CSMD3: variants seen among roughly 807,000 people sequenced by gnomAD.
The protein encoded by CSMD3 is CUB and Sushi multiple domains 3, also known as CUB and sushi domain-containing protein 3.
CSMD3 carries 177 observed loss-of-function variants against 435.2 expected under a neutral mutation model. The ratio of observed to expected loss-of-function variants is 0.41; its 90% CI spans 0.36 to 0.46. CSMD3 has a LOEUF of 0.46. Ranked by LOEUF, CSMD3 falls within the 20% of genes least tolerant of loss-of-function variation. CSMD3 has a pLI of 0.34. For missense variants in CSMD3, 4,265 were observed against 4,504.6 expected (o/e 0.95, Z 1.52); for synonymous variants, 1,656 against 1,520.5 (o/e 1.09, Z -2.07).
intron 17 of CSMD3, among the ~76,000 whole-genome samples, chr8:112,665,255 C>T (rs1271045105): frequency 1.3e-5 from 2 of 152,148 alleles, no homozygotes; most frequent in African/African-American, 4.8e-5. Flanking sequence ...CGAAGCTCTT[C>T]ATATTTACTG....
At chr8:112,537,697 A>C (rs1388801978) in intron 27 of CSMD3, among the ~76,000 whole-genome samples, 2 of 151,894 alleles carry the variant, frequency 1.3e-5, no homozygotes, top group Admixed American at 1.3e-4. Context: ...AAACTTGAGC[A>C]GACCAATAAC....
intron 22 of CSMD3, among the ~76,000 whole-genome samples, chr8:112,590,749 G>A (rs1831117768): frequency 6.6e-6 from 1 of 151,954 alleles, no homozygotes; most frequent in South Asian, 2.1e-4. Context: ...TTTTGGGTCA[G>A]AAAACCACTG....
At chr8:112,278,532 T>C (rs947616535) in intron 59 of CSMD3, among the ~76,000 whole-genome samples, 4 of 152,156 alleles carry the variant, frequency 2.6e-5, no homozygotes, top group Non-Finnish European at 4.4e-5. Flanking sequence ...GATGCTAGGC[T>C]CAGATGAATG....
chr8:113,250,577 G>T (rs2093325760), intron 3 of CSMD3, among the ~76,000 whole-genome samples: 2 of 152,048 alleles, frequency 1.3e-5, no homozygotes, highest in South Asian at 4.1e-4. Context: ...GCGGAGTTTG[G>T]ATTTAAAAGA....
chr8:112,260,905 T>C lies in CSMD3; in HGVS notation c.9862+2734A>G, dbSNP rs369350641. On this transcript the variant is annotated intron_variant, in intron 61 of 70. Transcript: ENST00000297405. Reference sequence around the variant, plus strand: ...ACACTAAAAGCCTGGACTTCTCCACTACTCAATATATCTATGGAATAAAAC... The same window carrying C: ...ACACTAAAAGCCTGGACTTCTCCACCACTCAATATATCTATGGAATAAAAC... Among the ~76,000 whole-genome samples, 4 of 152,298 alleles carry C rather than the reference T, an allele frequency of 2.6e-5. No individual in the cohort carries two copies. In the East Asian group the frequency reaches 5.8e-4, roughly 22 times the overall value.
chr8:112,671,357 C>A (rs1200432435), intron 16 of CSMD3, among the ~76,000 whole-genome samples: 1 of 151,988 alleles, frequency 6.6e-6, no homozygotes, highest in Non-Finnish European at 1.5e-5. Context: ...CTTTGAAGCA[C>A]CCTTATTTTC....
intron 6 of CSMD3, among the ~76,000 whole-genome samples, chr8:112,985,364 G>A (rs927884049): frequency 2.0e-5 from 3 of 151,940 alleles, no homozygotes; most frequent in African/African-American, 2.4e-5. Flanking sequence ...ATGAAAAAAC[G>A]AAATAGTAGG....
chr8:113,232,017 T>C (rs542308223), intron 3 of CSMD3, among the ~76,000 whole-genome samples: 7 of 151,696 alleles, frequency 4.6e-5, no homozygotes, highest in Admixed American at 3.3e-4. Context: ...ATAAATTATA[T>C]ACAATGCAAT....
chr8:112,377,374 A>G (rs942517386), intron 38 of CSMD3, among the ~76,000 whole-genome samples: 6 of 152,130 alleles, frequency 3.9e-5, no homozygotes, highest in Non-Finnish European at 1.5e-5. Context: ...CTCCCAACAA[A>G]GAAAGGCACA....
Position 112,638,740 on chromosome 8 carries a change from G to C in CSMD3, c.3482C>G (p.Ser1161Ter), listed in dbSNP as rs748730248. The C allele has an allele frequency of 6.2e-7, 1 of 1,609,044 alleles. No homozygotes were observed. The highest frequency in any genetic ancestry group is 1.7e-5 in the Admixed American group (1 of 59,836). Reference sequence around the variant, plus strand: ...TCCTTCATATGATATTGAAAAATCTGAAATGAAACGCAATTGAGCCCTGAA... The same window carrying C: ...TCCTTCATATGATATTGAAAAATCTCAAATGAAACGCAATTGAGCCCTGAA... ...GNFRAQLRFI[S>*]DFSISYEGFN... Residue 1161 changes from serine (S) to a stop codon, truncating the protein, a stop_gained, in exon 21 of 71, where the codon TCA becomes TGA. Coordinates refer to ENST00000297405, the MANE Select transcript of CSMD3 (RefSeq NM_198123.2). LOFTEE classifies it high-confidence loss of function.
chr8:112,609,460 T>G (rs1438827007), intron 22 of CSMD3, among the ~76,000 whole-genome samples: 1 of 151,812 alleles, frequency 6.6e-6, no homozygotes, highest in Non-Finnish European at 1.5e-5. Context: ...AAAACCACAG[T>G]GAGATACCAC....
chr8:113,220,833 GGAT>G (rs1203258366), intron 3 of CSMD3, among the ~76,000 whole-genome samples: 1 of 151,250 alleles, frequency 6.6e-6, no homozygotes, highest in Non-Finnish European at 1.5e-5. Flanking sequence ...TGCCACTAAG[GGAT>G]CTATGTACAC....
At chr8:113,166,680 A>G (rs1238155193) in intron 4 of CSMD3, among the ~76,000 whole-genome samples, 1 of 152,154 alleles carries the variant, frequency 6.6e-6, no homozygotes, top group African/African-American at 2.4e-5. Context: ...CCTAATTTTT[A>G]GGGTAATGTG....
At chr8:112,861,050 G>T (rs2080813527) in intron 10 of CSMD3, among the ~76,000 whole-genome samples, 1 of 151,750 alleles carries the variant, frequency 6.6e-6, no homozygotes, top group Non-Finnish European at 1.5e-5. Flanking sequence ...AATATTTCTT[G>T]AATAGACTAT....
At chr8:112,380,022 T>C (rs1829325388) in intron 38 of CSMD3, among the ~76,000 whole-genome samples, 1 of 152,176 alleles carries the variant, frequency 6.6e-6, no homozygotes, top group East Asian at 1.9e-4. Context: ...GTTTCAGTCA[T>C]GCAAAATGAG....
intron 6 of CSMD3, among the ~76,000 whole-genome samples, chr8:112,980,625 T>C (rs1037859725): frequency 6.6e-6 from 1 of 151,406 alleles, no homozygotes; most frequent in East Asian, 1.9e-4. Context: ...TTTGTTATTT[T>C]TTTCTTCTTT....
At chr8:112,376,296 C>T (rs561998794) in intron 38 of CSMD3, among the ~76,000 whole-genome samples, 132 of 152,184 alleles carry the variant, frequency 8.7e-4, no homozygotes, top group African/African-American at 3.1e-3. Context: ...TAGTGCCTGA[C>T]ATATGGTAGG....
intron 13 of CSMD3, among the ~76,000 whole-genome samples, chr8:112,716,079 A>G (rs992521213): frequency 6.6e-6 from 1 of 152,228 alleles, no homozygotes; most frequent in Non-Finnish European, 1.5e-5. Flanking sequence ...GTCCAGGGCA[A>G]TCAGGCAAGA....
At chr8:112,662,337 G>A (rs1276748895) in intron 17 of CSMD3, among the ~76,000 whole-genome samples, 4 of 152,094 alleles carry the variant, frequency 2.6e-5, no homozygotes, top group Admixed American at 6.5e-5. Context: ...ATAGACCAAC[G>A]GAACAGAACA....
Sources: allele counts gnomAD v4.1 joint callset (sites outside exome capture counted in the v4.1 genomes callset), GRCh38; gene constraint gnomAD v4.1.1; transcripts MANE v1.5; gene names NCBI Gene and HGNC (gene_info 2026-07-23, HGNC 2026-07-21).